TMEM117: variants seen among roughly 807,000 people sequenced by gnomAD.
The protein encoded by TMEM117 is transmembrane protein 117.
TMEM117 carries 27 observed loss-of-function variants against 52.4 expected under a neutral mutation model. That is an observed-to-expected ratio of 0.51 (90% CI 0.38 to 0.71). The LOEUF is 0.71. TMEM117 is among the 30% of genes least tolerant of loss of function. The pLI, the probability that TMEM117 is intolerant of heterozygous loss-of-function variation, is 0.00. For synonymous variants in TMEM117, 215 were observed against 206.3 expected (o/e 1.04, Z -0.36); for missense variants, 556 against 630.5 (o/e 0.88, Z 1.26).
chr12:44,156,753 G>C (rs988214238), intron 4 of TMEM117, among the ~76,000 whole-genome samples: 3 of 152,052 alleles, frequency 2.0e-5, no homozygotes, highest in African/African-American at 4.8e-5. Flanking sequence ...TATACAACAA[G>C]CAGGCATGAG....
At chr12:44,063,443 A>T (rs1947170627) in intron 3 of TMEM117, among the ~76,000 whole-genome samples, 1 of 152,120 alleles carries the variant, frequency 6.6e-6, no homozygotes, top group Admixed American at 6.6e-5. Flanking sequence ...ATAGAATCCA[A>T]ATTTGTCAAT....
intron 2 of TMEM117, among the ~76,000 whole-genome samples, chr12:43,925,547 G>A (rs775897688): frequency 1.4e-4 from 22 of 152,064 alleles, no homozygotes; most frequent in Non-Finnish European, 2.9e-4. Flanking sequence ...CCACAGCTGC[G>A]GGCTTTAGGA....
At chr12:44,330,991 T>C (rs1182294413) in intron 6 of TMEM117, among the ~76,000 whole-genome samples, 1 of 152,042 alleles carries the variant, frequency 6.6e-6, no homozygotes, top group African/African-American at 2.4e-5. Flanking sequence ...TTTAAAAACA[T>C]TGTTTAGCAA....
intron 3 of TMEM117, among the ~76,000 whole-genome samples, chr12:44,107,159 A>G (rs1947970177): frequency 6.6e-6 from 1 of 152,080 alleles, no homozygotes; most frequent in East Asian, 1.9e-4. Context: ...ATAACCTTAT[A>G]TATAAACTAT....
the TMEM117 span, among the ~76,000 whole-genome samples, chr12:43,823,417 C>G: frequency 1.3e-5 from 2 of 152,276 alleles, no homozygotes; most frequent in East Asian, 3.9e-4. Flanking sequence ...ATGAGATGAT[C>G]AAGAAAAGGA....
chr12:44,190,434 G>C (rs941648876), intron 4 of TMEM117, among the ~76,000 whole-genome samples: 1 of 152,138 alleles, frequency 6.6e-6, no homozygotes, highest in Admixed American at 6.5e-5. Flanking sequence ...ATGCCCTGGG[G>C]TGAGGCTCGG....
At chr12:43,932,999 G>T (rs991870326) in intron 2 of TMEM117, among the ~76,000 whole-genome samples, 3 of 152,160 alleles carry the variant, frequency 2.0e-5, no homozygotes, top group Non-Finnish European at 4.4e-5. Flanking sequence ...CACCCCTTGT[G>T]ATTGATCAAG....
chr12:44,360,512 A>G (rs1221083673), intron 6 of TMEM117, among the ~76,000 whole-genome samples: 1 of 151,748 alleles, frequency 6.6e-6, no homozygotes, highest in African/African-American at 2.4e-5. Context: ...GGTTGCAGTG[A>G]GTCGAGATCA....
intron 6 of TMEM117, among the ~76,000 whole-genome samples, chr12:44,372,416 G>C (rs1028174472): frequency 3.3e-5 from 5 of 152,044 alleles, no homozygotes; most frequent in African/African-American, 4.8e-5. Flanking sequence ...TACATCCATA[G>C]TTATGATGCC....
intron 5 of TMEM117, among the ~76,000 whole-genome samples, chr12:44,229,212 A>G (rs1949902877): frequency 6.6e-6 from 1 of 152,116 alleles, no homozygotes; most frequent in Non-Finnish European, 1.5e-5. Context: ...CTCTTTGGAC[A>G]GATGCCTGCT....
intron 3 of TMEM117, chr12:44,010,288 A>G (rs1345397305): frequency 4.4e-6 from 2 of 454,474 alleles, no homozygotes; most frequent in Admixed American, 2.4e-5. Flanking sequence ...GCTTCCCTGG[A>G]GGCCACTTTC....
chr12:44,240,999 C>T (rs1316819577), intron 5 of TMEM117, among the ~76,000 whole-genome samples: 3 of 151,832 alleles, frequency 2.0e-5, no homozygotes, highest in Admixed American at 6.6e-5. Context: ...CCTTGTTATC[C>T]GTGTGAATTG....
At chr12:44,081,719 G>C (rs936705837) in intron 3 of TMEM117, among the ~76,000 whole-genome samples, 3 of 152,002 alleles carry the variant, frequency 2.0e-5, no homozygotes, top group African/African-American at 4.8e-5. Flanking sequence ...ACTGAAGTAA[G>C]TCCAACATGC....
At chr12:44,148,906 T>A (rs1183772088) in intron 4 of TMEM117, among the ~76,000 whole-genome samples, 1 of 152,188 alleles carries the variant, frequency 6.6e-6, no homozygotes, top group Non-Finnish European at 1.5e-5. Flanking sequence ...TAGAATCCTA[T>A]AAAGGTGGAA....
intron 3 of TMEM117, among the ~76,000 whole-genome samples, chr12:44,130,990 A>G (rs1014845373): frequency 6.6e-6 from 1 of 152,098 alleles, no homozygotes; most frequent in African/African-American, 2.4e-5. Flanking sequence ...GGTCTATTGT[A>G]TAATTCCTTT....
At chr12:44,220,220 C>T (rs1949770420) in intron 5 of TMEM117, among the ~76,000 whole-genome samples, 1 of 152,040 alleles carries the variant, frequency 6.6e-6, no homozygotes, top group African/African-American at 2.4e-5. Context: ...ATGGGGTTAC[C>T]AGTTAACAAC....
intron 3 of TMEM117, among the ~76,000 whole-genome samples, chr12:44,069,388 C>T (rs1947267714): frequency 6.6e-6 from 1 of 152,120 alleles, no homozygotes; most frequent in East Asian, 1.9e-4. Flanking sequence ...TCAGCAAAGT[C>T]CTGGCAGTAG....
intron 3 of TMEM117, among the ~76,000 whole-genome samples, chr12:43,983,546 C>T (rs971148569): frequency 2.0e-4 from 16 of 79,460 alleles, no homozygotes; most frequent in Admixed American, 1.3e-3. Context: ...TTTGCACCAA[C>T]CGTGTGTGTG....
intron 5 of TMEM117, among the ~76,000 whole-genome samples, chr12:44,254,400 T>A (rs1184267444): frequency 6.6e-6 from 1 of 151,932 alleles, no homozygotes; most frequent in Non-Finnish European, 1.5e-5. Flanking sequence ...AATAAAAACC[T>A]CATTATTGAT....
Sources: allele counts gnomAD v4.1 joint callset (sites outside exome capture counted in the v4.1 genomes callset), GRCh38; gene constraint gnomAD v4.1.1; transcripts MANE v1.5; gene names NCBI Gene and HGNC (gene_info 2026-07-23, HGNC 2026-07-21).